Variants in RESF1 observed in about 807,000 individuals in gnomAD.
The protein encoded by RESF1 is retroelement silencing factor 1.
Under a neutral mutation model 134.7 loss-of-function variants are expected in RESF1, and 65 were observed. That is an observed-to-expected ratio of 0.48 (90% CI 0.40 to 0.59). The LOEUF (loss-of-function observed/expected upper bound fraction) is 0.59. Ranked by LOEUF, RESF1 falls within the 20% of genes least tolerant of loss-of-function variation. RESF1 has a pLI of 0.00. For synonymous variants in RESF1, 762 were observed against 702.2 expected, an observed-to-expected ratio of 1.09 and a Z score of -1.35; for missense variants, 2,274 against 2,002.7, an observed-to-expected ratio of 1.14 and a Z score of -2.59.
intron 3 of RESF1, among the ~76,000 whole-genome samples, chr12:31,979,471 C>T (rs1939720556): frequency 6.6e-6 from 1 of 152,170 alleles, no homozygotes; most frequent in African/African-American, 2.4e-5. Flanking sequence ...GAGGTCACTA[C>T]CTTCCCAGCA....
chr12:31,985,630 A>G lies in RESF1; in HGVS notation c.4675A>G (p.Thr1559Ala). The G allele has an allele frequency of 6.2e-7, 1 of 1,610,026 alleles. No individual in the cohort carries two copies. The highest frequency in any genetic ancestry group is 8.5e-7 in the Non-Finnish European group (1 of 1,179,076). ...WIDKTKLDKL[T>A]NISNEAQFSQ... ...TGATAAGACTAAATTAGACAAATTA[A>G]CCAATATAAGCAACGAAGCTCAATT... The change falls in exon 4 of 6, where the codon ACC (threonine) becomes GCC (alanine). Residue 1559 changes from threonine to alanine, a missense_variant. Transcript: ENST00000312561.
intron 2 of RESF1, among the ~76,000 whole-genome samples, chr12:31,969,120 T>G (rs1288688786): frequency 6.6e-6 from 1 of 152,198 alleles, no homozygotes; most frequent in African/African-American, 2.4e-5. Context: ...TTTCTATTTT[T>G]ATTTTTATTT....
At chr12:31,960,588 A>C (rs1475836300) in intron 1 of RESF1, among the ~76,000 whole-genome samples, 189 bp from the exon 2 acceptor site, 2 of 152,214 alleles carry the variant, frequency 1.3e-5, no homozygotes, top group Admixed American at 6.5e-5. Context: ...ATTCTAACTT[A>C]AGTGAATGGT....
intron 3 of RESF1, among the ~76,000 whole-genome samples, chr12:31,980,161 G>GAGT (rs1184544810): frequency 2.3e-5 from 3 of 130,718 alleles, no homozygotes; most frequent in African/African-American, 8.5e-5. Context: ...ACCCAGACTA[G>GAGT]AGTGCAGTGG....
rs867194692 is a variant in RESF1, at chr12:31,983,136, T to C, written c.2181T>C (p.Asn727=). The C allele has an allele frequency of 2.5e-6, 4 of 1,611,108 alleles. No homozygotes were observed. The Admixed American group carries it at 5.0e-5, about 20-fold the overall frequency. Residue 727 remains asparagine, a synonymous_variant, in exon 4 of 6, where the codon AAT becomes AAC. Transcript: ENST00000312561. ...CSVVGNSNSQ[N]KISNPSQQTA... ...TTGTGGGAAATTCAAATTCTCAGAA[T>C]AAAATAAGTAATCCCTCACAGCAGA...
rs1015541824 is a variant in RESF1, at chr12:31,968,609, C to T, written c.-246-1580C>T. ...GATTACAGGCGCCCACCACCATGCC[C>T]GGCTAATTTTTTGTATTTTTAGTAG... On this transcript the variant is annotated intron_variant, in intron 2 of 5. Coordinates refer to ENST00000312561, the MANE Select transcript of RESF1 (RefSeq NM_018169.4). Among the ~76,000 whole-genome samples, 29 of 151,978 alleles carry T rather than the reference C, an allele frequency of 1.9e-4. No individual in the cohort carries two copies. The Middle Eastern group carries it at 0.014, about 71-fold the overall frequency.
At chr12:31,960,585 C>T (rs1939238430) in intron 1 of RESF1, among the ~76,000 whole-genome samples, 192 bp from the exon 2 acceptor site, 1 of 152,160 alleles carries the variant, frequency 6.6e-6, no homozygotes, top group Non-Finnish European at 1.5e-5. Context: ...TAAATTCTAA[C>T]TTAAGTGAAT....
intron 2 of RESF1, among the ~76,000 whole-genome samples, chr12:31,963,439 A>G (rs544776201): frequency 2.2e-4 from 34 of 151,990 alleles, no homozygotes; most frequent in Middle Eastern, 3.4e-3. Context: ...GGGACACTGT[A>G]TCTTTGAGCT....
In RESF1 at chr12:31,982,517, A is replaced by C; in HGVS notation, c.1562A>C (p.Asp521Ala). The C allele has an allele frequency of 6.2e-7, 1 of 1,613,682 alleles. No individual in the cohort carries two copies. The highest frequency in any genetic ancestry group is 8.5e-7 in the Non-Finnish European group (1 of 1,180,004). The change falls in exon 4 of 6, where the codon GAT becomes GCT. Residue 521 changes from aspartate (D) to alanine (A), a missense_variant. Coordinates refer to ENST00000312561, the MANE Select transcript of RESF1 (RefSeq NM_018169.4). ...CGGCCAATGCCAGACTCATCTCATG[A>C]TGTGAAAGTTCTCACTTCAAAGACA... is the stretch of plus-strand genomic sequence containing the variant. ...EKRPMPDSSH[D>A]VKVLTSKTSA...
chr12:31,988,796 A>G (rs921639282), intron 5 of RESF1, among the ~76,000 whole-genome samples: 3 of 151,982 alleles, frequency 2.0e-5, no homozygotes, highest in African/African-American at 4.8e-5. Flanking sequence ...GGTTCAAGCA[A>G]TTCTTCTGCC....
intron 1 of RESF1, 40 bp downstream of exon 1, chr12:31,959,531 C>G (rs1939201169): frequency 6.6e-6 from 1 of 152,368 alleles, no homozygotes; most frequent in African/African-American, 2.4e-5. Flanking sequence ...CTCCGCCTTC[C>G]GGGGTCCGGG....
rs757259507 is a variant in RESF1 at position 31,983,731 on chromosome 12, CCTT to C, written c.2779_2781del (p.Ser927del). On this transcript the variant is annotated inframe_deletion, in exon 4 of 6. Coordinates refer to ENST00000312561, the MANE Select transcript of RESF1 (RefSeq NM_018169.4). ...CTTGAAAATGGTTGAGCCACAGAAA[CCTT>C]CTCTACCCAATCAGCAAGGGATTGG... 37 of 1,613,714 alleles carry C rather than the reference CCTT, an allele frequency of 2.3e-5. No homozygotes were observed. The highest frequency in any genetic ancestry group is 1.6e-4 in the Middle Eastern group (1 of 6,084).
rs1389990142 is a variant in RESF1, at chr12:31,983,874, A to C, written c.2919A>C (p.Ser973=). The change falls in exon 4 of 6, where the codon TCA becomes TCC. Residue 973 remains serine, a synonymous_variant. Transcript: ENST00000312561. ...TDVSHKICDQ[S]KSEPPLESSF... ...TTTCACATAAAATATGTGATCAGTC[A>C]AAGTCAGAGCCACCCTTAGAGTCAT... 6.2e-7 allele frequency: 1 copy of C among 1,613,720 alleles called. No individual in the cohort carries two copies. The highest frequency in any genetic ancestry group is 8.5e-7 in the Non-Finnish European group (1 of 1,180,016).
rs772666631 is a variant in RESF1 at position 31,984,438 on chromosome 12, G to A, written c.3483G>A (p.Val1161=). 6.2e-7 allele frequency: 1 copy of A among 1,614,174 alleles called. No homozygotes were observed. Residue 1161 remains valine, a synonymous_variant, in exon 4 of 6, where the codon GTG becomes GTA. Coordinates refer to ENST00000312561, the MANE Select transcript of RESF1 (RefSeq NM_018169.4). ...APAAGQSRDS[V]ILDSEKDDIH... ...CAGCTGGACAAAGTCGTGATTCTGTGATACTGGACTCTGAGAAAGATGATA... is the reference window on the plus strand; with the variant it reads ...CAGCTGGACAAAGTCGTGATTCTGTAATACTGGACTCTGAGAAAGATGATA...
At position 31,982,704 on chromosome 12, in the gene RESF1, A is replaced by G. The variant is rs1216911089; in HGVS notation, c.1749A>G (p.Leu583=). Residue 583 remains leucine (L), a synonymous_variant, in exon 4 of 6, where the codon CTA becomes CTG. Coordinates refer to ENST00000312561, the MANE Select transcript of RESF1 (RefSeq NM_018169.4). ...YKSKIQNENM[L]LLALLSQARK... ...CAAAAATTCAAAATGAAAATATGCT[A>G]CTTCTCGCTTTGCTTTCACAGGCAC... The G allele has an allele frequency of 4.3e-6, 7 of 1,613,858 alleles. No individual in the cohort carries two copies. Among genetic ancestry groups the G allele is most frequent in the East Asian group, 2.2e-5 (1 of 44,896 alleles).
At position 31,982,836 on chromosome 12, in the gene RESF1, G is replaced by T. The variant is rs778050705; in HGVS notation, c.1881G>T (p.Leu627=). ...NPNTQMTGNQ[L]NLKNMETPST... is the part of the protein sequence containing the mutation. ...ATACCCAAATGACTGGTAACCAACT[G>T]AATTTGAAGAACATGGAAACTCCAA... The change falls in exon 4 of 6, where the codon CTG becomes CTT. Residue 627 remains leucine, a synonymous_variant. Coordinates refer to ENST00000312561, the MANE Select transcript of RESF1 (RefSeq NM_018169.4). 6.2e-7 allele frequency: 1 copy of T among 1,614,118 alleles called. No homozygotes were observed. The highest frequency in any genetic ancestry group is 1.1e-5 in the South Asian group (1 of 91,074).
At position 31,985,363 on chromosome 12, in the gene RESF1, A is replaced by G. The variant is rs1179655935; in HGVS notation, c.4408A>G (p.Lys1470Glu). 2 of 1,607,590 alleles carry G rather than the reference A, an allele frequency of 1.2e-6. No individual in the cohort carries two copies. The highest frequency in any genetic ancestry group is 2.2e-5 in the East Asian group (1 of 44,878). Residue 1470 changes from lysine to glutamate, a missense_variant, in exon 4 of 6, where the codon AAA becomes GAA. By Grantham distance (56) the Lys-to-Glu change is moderately conservative. Coordinates refer to ENST00000312561, the MANE Select transcript of RESF1 (RefSeq NM_018169.4). ...SNKASKKICVKNVPCDSEHMR... is the reference protein window; with the variant it reads ...SNKASKKICVENVPCDSEHMR... Reference sequence around the variant, plus strand: ...TAAAGCATCGAAGAAAATCTGTGTGAAAAACGTGCCATGTGATTCTGAACA... The same window carrying G: ...TAAAGCATCGAAGAAAATCTGTGTGGAAAACGTGCCATGTGATTCTGAACA...
chr12:31,983,451 T>C lies in RESF1; in HGVS notation c.2496T>C (p.Phe832=). Residue 832 remains phenylalanine (F), a synonymous_variant, in exon 4 of 6, where the codon TTT becomes TTC. Transcript: ENST00000312561. ...GTACAGCAACATCAACCAAGATTTT[T>C]CCACTAACTCAGAAGGAAAAGCAGA... ...VASTATSTKI[F]PLTQKEKQNE... The C allele has an allele frequency of 6.2e-6, 10 of 1,614,020 alleles. No individual in the cohort carries two copies. Among genetic ancestry groups the C allele is most frequent in the Non-Finnish European group, 8.5e-6 (10 of 1,179,970 alleles).
chr12:31,992,097 C>A (rs928926430), intron 5 of RESF1, among the ~76,000 whole-genome samples: 5 of 152,116 alleles, frequency 3.3e-5, no homozygotes, highest in Non-Finnish European at 1.5e-5. Flanking sequence ...TGCAATGATA[C>A]ATTTTATTGA....
Sources: allele counts gnomAD v4.1 joint callset (sites outside exome capture counted in the v4.1 genomes callset), GRCh38; gene constraint gnomAD v4.1.1; transcripts MANE v1.5; gene names NCBI Gene and HGNC (gene_info 2026-07-23, HGNC 2026-07-21).